GREB1: variants seen among roughly 807,000 people sequenced by gnomAD.
The protein encoded by GREB1 is protein GREB1.
GREB1 carries 106 observed loss-of-function variants against 200.7 expected under a neutral mutation model. That is an observed-to-expected ratio of 0.53 (90% confidence interval 0.45 to 0.62). The LOEUF (loss-of-function observed/expected upper bound fraction) is 0.62. Among genes scored for constraint, GREB1 ranks in the 20% least tolerant of loss-of-function variants. The pLI is 0.00. For synonymous variants in GREB1, 1,132 were observed against 1,092.4 expected (o/e 1.04, Z -0.72); for missense variants, 2,243 against 2,556.8 (o/e 0.88, Z 2.65).
At position 11,588,852 on chromosome 2, in the gene GREB1, G is replaced by A. The variant is rs1680439429; in HGVS notation, c.1266G>A (p.Glu422=). ...QNSQSVSRAY[E]QYGASAIQPI... The stretch of plus-strand genomic sequence containing the variant: ...CCCAGTCTGTCTCACGGGCATACGA[G>A]CAGTACGGCGCCTCTGCCATCCAGC... Residue 422 remains glutamate (E), a synonymous_variant, in exon 10 of 33, where the codon GAG becomes GAA. Coordinates refer to ENST00000381486, the MANE Select transcript of GREB1 (RefSeq NM_014668.4). 6.2e-7 allele frequency: 1 copy of A among 1,613,982 alleles called. No individual in the cohort carries two copies. Among genetic ancestry groups the A allele is most frequent in the South Asian group, 1.1e-5 (1 of 91,090 alleles).
intron 2 of GREB1, chr2:11,561,833 T>C (rs1208562257): frequency 6.5e-6 from 1 of 152,696 alleles, no homozygotes; most frequent in Non-Finnish European, 1.5e-5. Flanking sequence ...ATACTACCTA[T>C]ATTTTGTGTC....
rs147469645 is a variant in GREB1 at position 11,545,351 on chromosome 2, C to T, written c.-162+11097C>T. Among the ~76,000 whole-genome samples, 1,083 of 152,168 alleles carry T rather than the reference C, an allele frequency of 7.1e-3. 9 individuals carry two copies. Among genetic ancestry groups the T allele is most frequent in the African/African-American group, 0.024 (1,003 of 41,512 alleles). On this transcript the variant is annotated intron_variant, in intron 1 of 32. Coordinates refer to ENST00000381486, the MANE Select transcript of GREB1 (RefSeq NM_014668.4). ...TGCATCATGTTGGCCAGGCTGGTCT[C>T]GAATCTCCTGACTCAGGTGATCCAC...
At chr2:11,562,255 G>A (rs565494290) in intron 2 of GREB1, among the ~76,000 whole-genome samples, 26 of 152,194 alleles carry the variant, frequency 1.7e-4, no homozygotes, top group Non-Finnish European at 3.5e-4. Context: ...GATAAAACCC[G>A]ACTGACAGAC....
At chr2:11,566,960 C>T (rs2147961250) in intron 4 of GREB1, among the ~76,000 whole-genome samples, 1 of 152,268 alleles carries the variant, frequency 6.6e-6, no homozygotes, top group East Asian at 1.9e-4. Context: ...AAACCCTGTC[C>T]TAGGCAGTCT....
At chr2:11,485,276 T>TA (rs1491126303) in intron 1 of GREB1, among the ~76,000 whole-genome samples, 2 of 4,622 alleles carry the variant, frequency 4.3e-4, no homozygotes, top group African/African-American at 4.6e-4. Context: ...TATATATGTA[T>TA]TTTTTTTTTT....
chr2:11,528,522 G>A (rs1001010849), intron 1 of GREB1, among the ~76,000 whole-genome samples: 5 of 151,940 alleles, frequency 3.3e-5, no homozygotes, highest in Non-Finnish European at 5.9e-5. Flanking sequence ...ATTGAGTCTC[G>A]CTATGTAGCC....
Position 11,596,968 on chromosome 2 carries a change from G to A in GREB1, c.1954+729G>A, listed in dbSNP as rs555979826. Among the ~76,000 whole-genome samples, 48 of 151,970 alleles carry A rather than the reference G, an allele frequency of 3.2e-4. No homozygotes were observed. In the East Asian group the frequency reaches 8.9e-3, roughly 28 times the overall value. Reference sequence around the variant, plus strand: ...GGTGTGCACCGTGAGAGTGGGCAGGGGCACAGATATGCTCAGTGACATGGG... The same window carrying A: ...GGTGTGCACCGTGAGAGTGGGCAGGAGCACAGATATGCTCAGTGACATGGG... On this transcript the variant is annotated intron_variant, in intron 13 of 32. Transcript: ENST00000381486.
chr2:11,547,331 G>A (rs1002831693), intron 1 of GREB1, among the ~76,000 whole-genome samples: 6 of 152,232 alleles, frequency 3.9e-5, no homozygotes, highest in Non-Finnish European at 8.8e-5. Context: ...CTAGCTGTGT[G>A]TCTTCAGACA....
At chr2:11,542,935 C>G (rs1312826151) in intron 1 of GREB1, 1 of 152,258 alleles carries the variant, frequency 6.6e-6, no homozygotes, top group Admixed American at 6.5e-5. Flanking sequence ...TTTGGTACAC[C>G]TGGGGCTTTA....
chr2:11,591,668 G>A, intron 10 of GREB1: 1 of 518,074 alleles, frequency 1.9e-6, no homozygotes, highest in South Asian at 2.5e-5. Flanking sequence ...TGTAGTAGCT[G>A]GTTCTGTAAA....
At chr2:11,530,513 G>A (rs1317009846), upstream of GREB1, among the ~76,000 whole-genome samples, 1 of 147,796 alleles carries the variant, frequency 6.8e-6, no homozygotes, top group East Asian at 2.0e-4. Context: ...GTTGCAGTGA[G>A]CTGAGATTGC....
intron 4 of GREB1, among the ~76,000 whole-genome samples, chr2:11,571,312 G>T (rs762935055): frequency 6.6e-6 from 1 of 152,130 alleles, no homozygotes; most frequent in Non-Finnish European, 1.5e-5. Flanking sequence ...TAGAGTTGCT[G>T]TTCAGGCCCA....
Position 11,642,254 on chromosome 2 carries a change from G to C in GREB1, c.*1800G>C, listed in dbSNP as rs1404068495. ...CAGCCTCAGCCTCCCGAGTAGCTGG[G>C]ATTATGGGCGCCCACCACCATGCCC... On this transcript the variant is annotated 3_prime_UTR_variant, in exon 33 of 33. Coordinates refer to ENST00000381486, the MANE Select transcript of GREB1 (RefSeq NM_014668.4). The C allele has an allele frequency of 6.6e-6, 1 of 151,900 alleles. No individual in the cohort carries two copies. The highest frequency in any genetic ancestry group is 2.4e-5 in the African/African-American group (1 of 41,334). 9.4% of individuals were successfully genotyped at this position (151,900 alleles called of 1,614,324 possible). A position where few individuals can be genotyped will look rare whatever the true frequency, so the allele number is the denominator to read the frequency against.
At chr2:11,638,585 GTATTTAC>G (rs1410730435) in intron 31 of GREB1, 79 bp from the exon 32 acceptor site, 1 of 1,191,972 alleles carries the variant, frequency 8.4e-7, no homozygotes, top group East Asian at 2.4e-5. Context: ...CAAGCAGTTG[GTATTTAC>G]TAGGTGCAAA....
intron 1 of GREB1, among the ~76,000 whole-genome samples, chr2:11,490,931 T>C (rs976412237): frequency 2.6e-5 from 4 of 152,218 alleles, no homozygotes; most frequent in African/African-American, 9.6e-5. Context: ...AGTTAACTTT[T>C]GGAGGAACTG....
At chr2:11,610,631 A>G in intron 17 of GREB1, 57 bp from the exon 18 acceptor site, 1 of 1,343,348 alleles carries the variant, frequency 7.4e-7, no homozygotes, top group African/African-American at 1.4e-5. Flanking sequence ...GTGACTTGGC[A>G]GCAGCAGGCC....
rs779592613 is a variant in GREB1, at chr2:11,556,630, G to A, written c.16G>A (p.Ala6Thr). 1.2e-5 allele frequency: 19 copies of A among 1,611,158 alleles called. No homozygotes were observed. Among genetic ancestry groups the A allele is most frequent in the East Asian group, 1.1e-4 (5 of 44,748 alleles). MGNSY[A>T]GQLKTTRFEE... ...CCTCTTGAAGATGGGAAATTCTTAC[G>A]CTGGACAGCTGAAGACGACACGCTT... Residue 6 changes from alanine to threonine, a missense_variant, in exon 2 of 33, where the codon GCT becomes ACT. This residue lies in a region of GREB1 where 1,178 missense variants were observed against 1,387.4 expected (regional missense o/e 0.85). Transcript: ENST00000381486.
rs998493513 is a variant in GREB1, at chr2:11,492,119, G to A, written c.-159+9738G>A. On this transcript the variant is annotated intron_variant, in intron 1 of 2. Transcript: ENST00000628795. The surrounding 1 kb of genome is among the most constrained non-coding windows in gnomAD (Gnocchi z 4.0). ...CAGCCGTCTGGTTGACTCCCTGCCT[G>A]GCTACCATGCATCGTTTCCATGGTC... Among the ~76,000 whole-genome samples, 2 of 152,110 alleles carry A rather than the reference G, an allele frequency of 1.3e-5. No individual in the cohort carries two copies. Among genetic ancestry groups the A allele is most frequent in the African/African-American group, 4.8e-5 (2 of 41,418 alleles).
upstream of GREB1, among the ~76,000 whole-genome samples, chr2:11,530,113 G>A (rs1184662512): frequency 6.6e-6 from 1 of 151,848 alleles, no homozygotes; most frequent in Non-Finnish European, 1.5e-5. Flanking sequence ...GCTGGATGGA[G>A]GACAGGGGCA....
Sources: allele counts gnomAD v4.1 joint callset (sites outside exome capture counted in the v4.1 genomes callset), GRCh38; gene constraint gnomAD v4.1.1; regional missense constraint gnomAD v4.1.1; non-coding constraint Gnocchi (gnomAD v3.1); transcripts MANE v1.5; gene names NCBI Gene and HGNC (gene_info 2026-07-23, HGNC 2026-07-21).